ADAM22: variants seen among roughly 807,000 people sequenced by gnomAD.
ADAM22 encodes the protein ADAM metallopeptidase domain 22.
Under a neutral mutation model 144.6 loss-of-function variants are expected in ADAM22, and 65 were observed. The observed-to-expected ratio is 0.45, with a 90% CI of 0.37 to 0.55. ADAM22 has a LOEUF of 0.55. Ranked by LOEUF, ADAM22 falls within the 20% of genes least tolerant of loss-of-function variation. The probability of loss-of-function intolerance (pLI) is 0.00; values close to 1 mark genes in which losing one functional copy is unlikely to be tolerated. For synonymous variants in ADAM22, 391 were observed against 412.6 expected (o/e 0.95, Z 0.63); for missense variants, 974 against 1,184.9 (o/e 0.82, Z 2.61).
intron 3 of ADAM22, among the ~76,000 whole-genome samples, chr7:87,994,897 C>T (rs948370277): frequency 2.6e-5 from 4 of 151,816 alleles, no homozygotes; most frequent in Admixed American, 1.3e-4. Flanking sequence ...GCGCGATCTC[C>T]GCTCACTGCA....
chr7:88,049,677 G>T (rs1222354153), intron 3 of ADAM22, among the ~76,000 whole-genome samples: 1 of 152,286 alleles, frequency 6.6e-6, no homozygotes, highest in Admixed American at 6.5e-5. Flanking sequence ...GATTACAGAC[G>T]TGAGCAAGTG....
intron 14 of ADAM22, among the ~76,000 whole-genome samples, chr7:88,142,652 C>T (rs530889501): frequency 6.6e-6 from 1 of 152,026 alleles, no homozygotes; most frequent in Admixed American, 6.6e-5. Context: ...TCCTGGCTAA[C>T]ACGATGAAAC....
intron 3 of ADAM22, among the ~76,000 whole-genome samples, chr7:88,049,157 C>T (rs568874916): frequency 6.6e-6 from 1 of 152,190 alleles, no homozygotes; most frequent in African/African-American, 2.4e-5. Context: ...GAGGCCTCCA[C>T]CTGAGGCTTT....
At position 88,122,687 on chromosome 7, in the gene ADAM22, A is replaced by T. The variant is rs112298989; in HGVS notation, c.608-2902A>T. Among the ~76,000 whole-genome samples the T allele has an allele frequency of 4.0e-3, 611 of 152,250 alleles. 1 individual carries two copies. The highest frequency in any genetic ancestry group is 0.014 in the African/African-American group (578 of 41,554). ...ACTAAAGAGACAAGTTATCTGCCCTATGTAGTCCCAGGATCCAGTAATGGG... is the reference window on the plus strand; with the variant it reads ...ACTAAAGAGACAAGTTATCTGCCCTTTGTAGTCCCAGGATCCAGTAATGGG... On this transcript the variant is annotated intron_variant, in intron 7 of 31. Coordinates refer to ENST00000413139, the MANE Select transcript of ADAM22 (RefSeq NM_001324418.2).
At chr7:87,952,041 G>A (rs1351300269) in intron 2 of ADAM22, among the ~76,000 whole-genome samples, 2 of 149,592 alleles carry the variant, frequency 1.3e-5, no homozygotes, top group African/African-American at 4.9e-5. Flanking sequence ...GAGATTTTGG[G>A]CTGAGACAAT....
At chr7:88,031,031 G>T (rs1800132017) in intron 3 of ADAM22, among the ~76,000 whole-genome samples, 1 of 152,182 alleles carries the variant, frequency 6.6e-6, no homozygotes, top group Non-Finnish European at 1.5e-5. Flanking sequence ...CAGGAGAATG[G>T]CGTGAACCTG....
intron 3 of ADAM22, among the ~76,000 whole-genome samples, chr7:88,012,556 T>A (rs368299782): frequency 2.6e-4 from 39 of 152,372 alleles, no homozygotes; most frequent in African/African-American, 9.1e-4. Context: ...TCTAATGTTC[T>A]TGTTTTAATT....
chr7:88,151,385 G>C (rs1563334953), intron 20 of ADAM22, 65 bp downstream of exon 20: 2 of 1,584,146 alleles, frequency 1.3e-6, no homozygotes. Flanking sequence ...TCAAGGACGT[G>C]TGTGCTGGAA....
intron 12 of ADAM22, 121 bp downstream of exon 12, chr7:88,133,072 C>T: frequency 1.2e-6 from 1 of 850,772 alleles, no homozygotes; most frequent in Non-Finnish European, 1.9e-6. Context: ...TATTACAAAT[C>T]AGTATGGTGG....
At chr7:88,005,961 C>T (rs940258009) in intron 3 of ADAM22, among the ~76,000 whole-genome samples, 4 of 152,148 alleles carry the variant, frequency 2.6e-5, no homozygotes, top group African/African-American at 9.6e-5. Flanking sequence ...TTGCTTGATA[C>T]ACTACTGTAA....
intron 2 of ADAM22, among the ~76,000 whole-genome samples, chr7:87,960,386 G>GTGTGTGTGTGTC (rs1847774051): frequency 6.6e-6 from 1 of 151,576 alleles, no homozygotes; most frequent in Admixed American, 6.6e-5. Flanking sequence ...GTGTGTGTGT[G>GTGTGTGTGTGTC]TGTGTGTGTG....
rs1005100277 is a variant in ADAM22, at chr7:87,988,552, T to C, written c.323+10140T>C. 5.3e-5 allele frequency among the ~76,000 whole-genome samples: 8 copies of C among 152,220 alleles called. No homozygotes were observed. In the East Asian group the frequency reaches 1.5e-3, roughly 29 times the overall value. Reference sequence around the variant, plus strand: ...TTATCGGAAGGTATTTCCATATTAATTGTATATTTTAAAGCAAGTCATATT... The same window carrying C: ...TTATCGGAAGGTATTTCCATATTAACTGTATATTTTAAAGCAAGTCATATT... On this transcript the variant is annotated intron_variant, in intron 3 of 31. Coordinates refer to ENST00000413139, the MANE Select transcript of ADAM22 (RefSeq NM_001324418.2).
At chr7:88,189,749 T>G (rs969448615) in intron 30 of ADAM22, among the ~76,000 whole-genome samples, 2 of 151,858 alleles carry the variant, frequency 1.3e-5, no homozygotes, top group Admixed American at 6.6e-5. Flanking sequence ...ATTAAGACCA[T>G]CCTGGCCAAC....
chr7:88,020,424 G>A (rs947834948), intron 3 of ADAM22, among the ~76,000 whole-genome samples: 6 of 152,178 alleles, frequency 3.9e-5, no homozygotes, highest in South Asian at 2.1e-4. Context: ...TACTCCACAG[G>A]GGGTTCTCCA....
intron 2 of ADAM22, among the ~76,000 whole-genome samples, chr7:87,953,689 G>C (rs1358967466): frequency 6.6e-6 from 1 of 151,834 alleles, no homozygotes; most frequent in Non-Finnish European, 1.5e-5. Flanking sequence ...TCAATTCCTG[G>C]GTATCCTTGT....
intron 3 of ADAM22, among the ~76,000 whole-genome samples, chr7:88,023,329 G>T (rs1467512683): frequency 6.6e-6 from 1 of 152,114 alleles, no homozygotes; most frequent in Non-Finnish European, 1.5e-5. Flanking sequence ...TTTGATACAG[G>T]CATACAATGT....
intron 4 of ADAM22, among the ~76,000 whole-genome samples, chr7:88,092,816 A>T (rs777086429): frequency 6.6e-6 from 1 of 152,214 alleles, no homozygotes; most frequent in Non-Finnish European, 1.5e-5. Context: ...TTGCCAGTTT[A>T]TACAGGTCAG....
chr7:88,000,259 G>C (rs1792222792), intron 3 of ADAM22, among the ~76,000 whole-genome samples: 1 of 152,030 alleles, frequency 6.6e-6, no homozygotes, highest in Non-Finnish European at 1.5e-5. Flanking sequence ...TTTTCTCCAT[G>C]TAGTAAAGTG....
intron 2 of ADAM22, among the ~76,000 whole-genome samples, chr7:87,975,866 T>C (rs1167899262): frequency 6.6e-6 from 1 of 152,210 alleles, no homozygotes; most frequent in Non-Finnish European, 1.5e-5. Flanking sequence ...AGGTTCATTT[T>C]AACTGAAACA....
Sources: gnomAD v4.1 joint callset for allele counts (sites outside exome capture counted in the v4.1 genomes callset) on GRCh38, gnomAD v4.1.1 for gene constraint, MANE v1.5 for transcripts, NCBI Gene and HGNC (gene_info 2026-07-23, HGNC 2026-07-21) for gene names.